SUPT3H: variants seen among roughly 807,000 people sequenced by gnomAD.
SUPT3H encodes transcription initiation protein SPT3 homolog.
SUPT3H carries 44 observed loss-of-function variants against 44.3 expected under a neutral mutation model. The observed-to-expected ratio is 0.99, with a 90% CI of 0.78 to 1.28. SUPT3H has a LOEUF of 1.28. Among genes scored for constraint, SUPT3H ranks in the 50% most tolerant of loss-of-function variants. The pLI is 0.00. For missense variants in SUPT3H, 380 were observed against 387.1 expected, an observed-to-expected ratio of 0.98 and a Z score of 0.15; for synonymous variants, 124 against 125.6, an observed-to-expected ratio of 0.99 and a Z score of 0.09.
intron 3 of SUPT3H, among the ~76,000 whole-genome samples, chr6:45,091,308 T>A (rs907008274): frequency 6.6e-6 from 1 of 152,026 alleles, no homozygotes; most frequent in Non-Finnish European, 1.5e-5. Context: ...TCTTGGCACT[T>A]CTCTTTTTCA....
At chr6:45,173,491 A>G (rs985579511) in intron 2 of SUPT3H, among the ~76,000 whole-genome samples, 3 of 152,356 alleles carry the variant, frequency 2.0e-5, no homozygotes, top group Middle Eastern at 3.4e-3. Context: ...ACACTACAGG[A>G]GCAGGATTTA....
chr6:44,886,893 C>G (rs115597215), intron 10 of SUPT3H, among the ~76,000 whole-genome samples: 16 of 152,200 alleles, frequency 1.1e-4, no homozygotes, highest in African/African-American at 3.4e-4. Flanking sequence ...CGGAGACACA[C>G]AGAAGCTCAA....
intron 2 of SUPT3H, among the ~76,000 whole-genome samples, chr6:45,265,089 C>T (rs1244293093): frequency 6.6e-6 from 1 of 152,042 alleles, no homozygotes; most frequent in Non-Finnish European, 1.5e-5. Flanking sequence ...AAATCCAGTG[C>T]ATTTCCTCAA....
At chr6:44,945,638 A>T (rs1773217785) in intron 9 of SUPT3H, among the ~76,000 whole-genome samples, 1 of 152,186 alleles carries the variant, frequency 6.6e-6, no homozygotes, top group Non-Finnish European at 1.5e-5. Flanking sequence ...CAAGGTGCTA[A>T]CTCTCTTTAA....
At chr6:45,040,345 A>G (rs770902600) in intron 3 of SUPT3H, among the ~76,000 whole-genome samples, 4 of 152,204 alleles carry the variant, frequency 2.6e-5, no homozygotes, top group Admixed American at 2.0e-4. Flanking sequence ...ATGCTATACT[A>G]TAATGTAAAA....
At position 45,266,205 on chromosome 6, in the gene SUPT3H, T is replaced by C. The variant is rs1247912325; in HGVS notation, c.101+98996A>G. ...AGAAAAGCCACAAGGAAATTCAAAA[T>C]GGATTTAGCCGTTATTCCCGGGAGA... is the stretch of plus-strand genomic sequence containing the variant. On this transcript the variant is annotated intron_variant, in intron 2 of 10. Transcript: ENST00000371459. Among the ~76,000 whole-genome samples the C allele has an allele frequency of 2.6e-5, 4 of 151,944 alleles. No homozygotes were observed. The East Asian group carries it at 7.7e-4, about 29-fold the overall frequency.
chr6:45,311,982 C>G (rs1784029065), intron 2 of SUPT3H, among the ~76,000 whole-genome samples: 3 of 152,130 alleles, frequency 2.0e-5, no homozygotes, highest in African/African-American at 7.2e-5. Context: ...CATTTCAATA[C>G]TAACATGGAA....
At chr6:45,108,834 TAAAACAAGAA>T (rs1562475957) in intron 2 of SUPT3H, among the ~76,000 whole-genome samples, 6 of 151,896 alleles carry the variant, frequency 4.0e-5, no homozygotes, top group East Asian at 3.9e-4. Flanking sequence ...GTCAGAACAA[TAAAACAAGAA>T]AAAACTAAAA....
At chr6:44,832,235 TTCTC>T (rs1386224568) in intron 10 of SUPT3H, among the ~76,000 whole-genome samples, 8 of 152,150 alleles carry the variant, frequency 5.3e-5, no homozygotes, top group East Asian at 1.9e-4. Flanking sequence ...AACTGTAAAT[TTCTC>T]TCTATTTGTG....
chr6:44,968,131 A>C (rs1364971938), intron 6 of SUPT3H, among the ~76,000 whole-genome samples: 1 of 152,164 alleles, frequency 6.6e-6, no homozygotes, highest in East Asian at 1.9e-4. Flanking sequence ...TACTCTTAAA[A>C]GTCTTACAAT....
At chr6:45,263,072 T>C (rs1262482072) in intron 2 of SUPT3H, among the ~76,000 whole-genome samples, 2 of 152,166 alleles carry the variant, frequency 1.3e-5, no homozygotes, top group Admixed American at 1.3e-4. Flanking sequence ...GAAAGCAGTT[T>C]GGAGATTTCT....
chr6:45,022,238 C>G (rs921169211), intron 3 of SUPT3H, among the ~76,000 whole-genome samples: 2 of 151,926 alleles, frequency 1.3e-5, no homozygotes, highest in African/African-American at 4.8e-5. Context: ...TAAGAAGGAT[C>G]AGGAGAAATA....
At chr6:45,343,842 T>C (rs1037709065) in intron 2 of SUPT3H, among the ~76,000 whole-genome samples, 1 of 152,188 alleles carries the variant, frequency 6.6e-6, no homozygotes, top group Non-Finnish European at 1.5e-5. Context: ...ACTCACCTTC[T>C]AGGTGCTTAA....
intron 3 of SUPT3H, among the ~76,000 whole-genome samples, chr6:45,050,522 G>A (rs938282146): frequency 2.0e-5 from 3 of 151,972 alleles, no homozygotes; most frequent in East Asian, 3.9e-4. Context: ...AGAGAGGGAG[G>A]CACAATAATC....
intron 10 of SUPT3H, among the ~76,000 whole-genome samples, chr6:44,848,299 CTT>C (rs1772259575): frequency 6.6e-6 from 1 of 152,042 alleles, no homozygotes; most frequent in Non-Finnish European, 1.5e-5. Context: ...TTCTGGAGGT[CTT>C]TTATTGATTT....
intron 3 of SUPT3H, among the ~76,000 whole-genome samples, chr6:45,045,939 T>C (rs1386571374): frequency 6.6e-6 from 1 of 152,180 alleles, no homozygotes; most frequent in Non-Finnish European, 1.5e-5. Context: ...TATCACTTTT[T>C]CTTTTGTTGT....
intron 2 of SUPT3H, among the ~76,000 whole-genome samples, chr6:45,255,575 C>G (rs1235488451): frequency 6.6e-6 from 1 of 151,964 alleles, no homozygotes; most frequent in Admixed American, 6.6e-5. Flanking sequence ...GCAGGCATCA[C>G]CATGCCCAGC....
chr6:45,223,703 A>G (rs989358047), intron 2 of SUPT3H, among the ~76,000 whole-genome samples: 1 of 151,850 alleles, frequency 6.6e-6, no homozygotes, highest in Admixed American at 6.6e-5. Context: ...CTGAATGAGT[A>G]AAGTCTAAAA....
chr6:45,063,114 G>C (rs1404026990), intron 3 of SUPT3H, among the ~76,000 whole-genome samples: 1 of 146,074 alleles, frequency 6.8e-6, no homozygotes, highest in Non-Finnish European at 1.5e-5. Context: ...CTGGAGATCT[G>C]AGAACGGGCA....
Sources: allele counts gnomAD v4.1 joint callset (sites outside exome capture counted in the v4.1 genomes callset), GRCh38; gene constraint gnomAD v4.1.1; transcripts MANE v1.5; gene names NCBI Gene and HGNC (gene_info 2026-07-23, HGNC 2026-07-21).